The following LRRC4C variants were observed in gnomAD, a reference collection of about 807,000 sequenced individuals.
LRRC4C encodes leucine-rich repeat-containing protein 4C.
In LRRC4C, 5 loss-of-function variants were observed where a neutral mutation model predicts 33.6. The ratio of observed to expected loss-of-function variants is 0.15; its 90% CI spans 0.08 to 0.31. The LOEUF is 0.31. Among genes scored for constraint, LRRC4C ranks in the 10% least tolerant of loss-of-function variants. LRRC4C has a pLI of 1.00. For missense variants in LRRC4C, 560 were observed against 796.7 expected (o/e 0.70, Z 3.58); for synonymous variants, 329 against 302.0 (o/e 1.09, Z -0.93).
At chr11:40,755,070 G>A (rs1948879308) in intron 2 of LRRC4C, among the ~76,000 whole-genome samples, 1 of 151,996 alleles carries the variant, frequency 6.6e-6, no homozygotes, top group Non-Finnish European at 1.5e-5. Flanking sequence ...CCCAAATATT[G>A]TCAAAGAGTT....
At chr11:40,261,025 C>G (rs1439215805) in intron 4 of LRRC4C, among the ~76,000 whole-genome samples, 1 of 152,078 alleles carries the variant, frequency 6.6e-6, no homozygotes, top group Non-Finnish European at 1.5e-5. Context: ...GGACTACTGG[C>G]AAGCACCACC....
At chr11:41,389,953 T>A (rs1953524123) in intron 1 of LRRC4C, among the ~76,000 whole-genome samples, 2 of 151,902 alleles carry the variant, frequency 1.3e-5, no homozygotes, top group Non-Finnish European at 2.9e-5. Context: ...GAGAGAAACA[T>A]GTCCAAGGAA....
chr11:41,079,043 AT>A (rs1939366411), intron 1 of LRRC4C, among the ~76,000 whole-genome samples: 1 of 152,186 alleles, frequency 6.6e-6, no homozygotes, highest in African/African-American at 2.4e-5. Flanking sequence ...TTTGTCTCTT[AT>A]TCTCAAAACC....
At chr11:40,709,052 G>C (rs1396034366) in intron 2 of LRRC4C, among the ~76,000 whole-genome samples, 2 of 151,536 alleles carry the variant, frequency 1.3e-5, no homozygotes, top group Admixed American at 6.6e-5. Context: ...TTTTCCATTT[G>C]CTTGGTAGAT....
chr11:41,066,542 A>G (rs1938253474), intron 1 of LRRC4C, among the ~76,000 whole-genome samples: 3 of 152,326 alleles, frequency 2.0e-5, no homozygotes, highest in Admixed American at 6.5e-5. Context: ...ACAGGCCAAC[A>G]TGCAAATTCA....
chr11:40,858,921 T>C (rs964605663), intron 2 of LRRC4C, among the ~76,000 whole-genome samples: 3 of 152,128 alleles, frequency 2.0e-5, no homozygotes, highest in African/African-American at 7.2e-5. Flanking sequence ...AAAAAAATTC[T>C]TGCCAAATAG....
chr11:40,184,696 G>A lies in LRRC4C; in HGVS notation c.-95-43843C>T, dbSNP rs79261481. On this transcript the variant is annotated intron_variant, in intron 5 of 6. Transcript: ENST00000528697. ...GAATTTCACTAAAAAATCCACATGC[G>A]TCACTTACACCCATTTCTTCACTAT... is the stretch of plus-strand genomic sequence containing the variant. Among the ~76,000 whole-genome samples the A allele has an allele frequency of 8.2e-3, 1,256 of 152,248 alleles. 13 individuals carry two copies. The highest frequency in any genetic ancestry group is 0.025 in the African/African-American group (1,041 of 41,528).
At position 40,499,866 on chromosome 11, in the gene LRRC4C, C is replaced by A. The variant is rs114058988; in HGVS notation, c.-270+148276G>T. On this transcript the variant is annotated intron_variant, in intron 3 of 6. Transcript: ENST00000528697. ...GCTTGTAAGAGTGCATCAGATGAAG[C>A]AATAACATCGTCATGGGAGAGAAAG... 5.2e-3 allele frequency among the ~76,000 whole-genome samples: 792 copies of A among 152,134 alleles called. 6 individuals carry two copies. The highest frequency in any genetic ancestry group is 0.018 in the African/African-American group (757 of 41,508).
chr11:41,423,501 G>C (rs560961296), intron 1 of LRRC4C, among the ~76,000 whole-genome samples: 2 of 152,194 alleles, frequency 1.3e-5, no homozygotes, highest in African/African-American at 2.4e-5. Flanking sequence ...CTTTGTGGAT[G>C]ATGGGGTGTC....
chr11:41,093,130 G>C (rs1477894103), intron 1 of LRRC4C, among the ~76,000 whole-genome samples: 1 of 152,132 alleles, frequency 6.6e-6, no homozygotes, highest in Non-Finnish European at 1.5e-5. Flanking sequence ...TAAATAGTAT[G>C]TAATCAGCTC....
intron 6 of LRRC4C, among the ~76,000 whole-genome samples, chr11:40,129,093 A>G (rs1276146226): frequency 1.3e-5 from 2 of 152,238 alleles, no homozygotes; most frequent in African/African-American, 2.4e-5. Flanking sequence ...TGTTAAATGC[A>G]TGAATGAATG....
intron 1 of LRRC4C, among the ~76,000 whole-genome samples, chr11:41,131,458 A>AT (rs1160933808): frequency 1.3e-5 from 2 of 152,022 alleles, no homozygotes; most frequent in Admixed American, 6.6e-5. Flanking sequence ...TTATACATGG[A>AT]TTTTGTATGA....
chr11:41,042,575 GC>G (rs1341918046), intron 1 of LRRC4C, among the ~76,000 whole-genome samples: 5 of 152,002 alleles, frequency 3.3e-5, no homozygotes, highest in African/African-American at 1.2e-4. Context: ...CCTCCCTAAA[GC>G]TCTCTTCTTC....
intron 1 of LRRC4C, among the ~76,000 whole-genome samples, chr11:41,403,491 G>T (rs1042003777): frequency 6.6e-6 from 1 of 152,042 alleles, no homozygotes; most frequent in Non-Finnish European, 1.5e-5. Context: ...AGAACCCCAT[G>T]TTAGGAAATT....
At chr11:40,812,460 C>T (rs751986558) in intron 2 of LRRC4C, among the ~76,000 whole-genome samples, 3 of 152,072 alleles carry the variant, frequency 2.0e-5, no homozygotes, top group Non-Finnish European at 2.9e-5. Flanking sequence ...TTGATAAATT[C>T]GGCTTTAGAA....
At chr11:40,315,768 C>T (rs1278752234) in intron 4 of LRRC4C, among the ~76,000 whole-genome samples, 4 of 151,978 alleles carry the variant, frequency 2.6e-5, no homozygotes, top group South Asian at 2.1e-4. Flanking sequence ...ATTTGAATCA[C>T]GTAACATATA....
intron 1 of LRRC4C, chr11:41,394,897 A>G (rs1224199434): frequency 2.0e-5 from 3 of 151,952 alleles, no homozygotes; most frequent in African/African-American, 7.2e-5. Context: ...AAGATAGAAA[A>G]ATAAAAATGC....
At chr11:41,145,391 A>G (rs1298551085) in intron 1 of LRRC4C, among the ~76,000 whole-genome samples, 1 of 152,180 alleles carries the variant, frequency 6.6e-6, no homozygotes, top group African/African-American at 2.4e-5. Context: ...CTCTATCACA[A>G]AGTTATTACA....
At chr11:40,766,360 A>G (rs1292132860) in intron 2 of LRRC4C, among the ~76,000 whole-genome samples, 1 of 144,554 alleles carries the variant, frequency 6.9e-6, no homozygotes, top group Non-Finnish European at 1.5e-5. Context: ...TGTTAAAAAA[A>G]AAAAAAAAAA....
Sources: gnomAD v4.1 joint callset for allele counts (sites outside exome capture counted in the v4.1 genomes callset) on GRCh38, gnomAD v4.1.1 for gene constraint, MANE v1.5 for transcripts, NCBI Gene and HGNC (gene_info 2026-07-23, HGNC 2026-07-21) for gene names.